PCDH19: variants seen among roughly 807,000 people sequenced by gnomAD.
The protein encoded by PCDH19 is protocadherin 19.
Under a neutral mutation model 46.2 loss-of-function variants are expected in PCDH19, and 6 were observed. That is an observed-to-expected ratio of 0.13 (90% CI 0.07 to 0.26). PCDH19 has a LOEUF of 0.26. PCDH19 is among the 10% of genes least tolerant of loss of function. The probability of loss-of-function intolerance (pLI) is 1.00; values close to 1 mark genes in which losing one functional copy is unlikely to be tolerated. For missense variants in PCDH19, 740 were observed against 972.3 expected, an observed-to-expected ratio of 0.76 and a Z score of 3.18; for synonymous variants, 481 against 415.7, an observed-to-expected ratio of 1.16 and a Z score of -1.91.
chrX:100,364,767 G>C (rs1927026537), intron 3 of PCDH19, among the ~76,000 whole-genome samples: 1 of 112,191 alleles, frequency 8.9e-6, no homozygotes, highest in African/African-American at 3.2e-5. Flanking sequence ...ATTAACAGCT[G>C]ATAGGAACCT....
At chrX:100,317,694 T>C (rs990514010) in intron 5 of PCDH19, among the ~76,000 whole-genome samples, 1 of 110,314 alleles carries the variant, frequency 9.1e-6, no homozygotes, top group African/African-American at 3.3e-5. Context: ...TGGATGAGTC[T>C]GCTCTCCCCT....
intron 1 of PCDH19, among the ~76,000 whole-genome samples, chrX:100,406,113 A>C (rs1464777094): frequency 4.8e-5 from 5 of 105,022 alleles, no homozygotes; most frequent in African/African-American, 1.7e-4. Context: ...TAAAAATATG[A>C]TCTCTCTCTC....
intron 3 of PCDH19, among the ~76,000 whole-genome samples, chrX:100,385,198 T>C (rs1927675917): frequency 9.2e-6 from 1 of 108,860 alleles, no homozygotes; most frequent in South Asian, 4.1e-4. Flanking sequence ...CCACCAATAA[T>C]GCATGGGACT....
chrX:100,295,872 G>T lies in PCDH19; in HGVS notation c.*405C>A. The T allele has an allele frequency of 6.7e-6, 1 of 148,720 alleles. No homozygotes were observed. The highest frequency in any genetic ancestry group is 1.3e-5 in the Non-Finnish European group (1 of 76,461). 12.3% of individuals were successfully genotyped at this position (148,720 alleles called of 1,213,427 possible). A position where few individuals can be genotyped will look rare whatever the true frequency, so the allele number is the denominator to read the frequency against. Reference sequence around the variant, plus strand: ...TGTCTACACTACAAAAAACAGTGGCGAGCTTATTAAAGGTGTCCAGAGCTT... The same window carrying T: ...TGTCTACACTACAAAAAACAGTGGCTAGCTTATTAAAGGTGTCCAGAGCTT... On this transcript the variant is annotated 3_prime_UTR_variant, in exon 6 of 6. Coordinates refer to ENST00000373034, the MANE Select transcript of PCDH19 (RefSeq NM_001184880.2).
At chrX:100,305,144 G>A (rs1298208329) in intron 5 of PCDH19, among the ~76,000 whole-genome samples, 3 of 111,507 alleles carry the variant, frequency 2.7e-5, no homozygotes, top group African/African-American at 6.6e-5. Context: ...AAATCAAGAC[G>A]AAGAAAAGAA....
In PCDH19 at chrX:100,406,715, C is replaced by T. The variant is rs780759455; in HGVS notation, c.1883G>A (p.Arg628His). Reference sequence around the variant, plus strand: ...GGACTTGGAGCTCTCCCCGAAGGTGCGGGTGGTTCTGACTTCGCCATTGAC... The same window carrying T: ...GGACTTGGAGCTCTCCCCGAAGGTGTGGGTGGTTCTGACTTCGCCATTGAC... ...DQVNGEVRTT[R>H]TFGESSKSSY... is the part of the protein sequence containing the mutation. Residue 628 changes from arginine (R) to histidine (H), a missense_variant, in exon 1 of 6, where the codon CGC becomes CAC. This residue lies in a region of PCDH19 where 416 missense variants were observed against 476.8 expected (regional missense o/e 0.87). Transcript: ENST00000373034. 8.3e-7 allele frequency: 1 copy of T among 1,211,771 alleles called. No homozygotes were observed. Among genetic ancestry groups the T allele is most frequent in the Admixed American group, 2.2e-5 (1 of 46,072 alleles).
intron 3 of PCDH19, among the ~76,000 whole-genome samples, chrX:100,353,881 G>A (rs759864940): frequency 9.0e-6 from 1 of 111,648 alleles, no homozygotes; most frequent in South Asian, 3.8e-4. Flanking sequence ...GCAATTAGTA[G>A]CGCTAGTCAA....
At position 100,338,069 on chromosome X, in the gene PCDH19, G is replaced by A. The variant is rs192612508; in HGVS notation, c.2848+3834C>T. On this transcript the variant is annotated intron_variant, in intron 5 of 5. Coordinates refer to ENST00000373034, the MANE Select transcript of PCDH19 (RefSeq NM_001184880.2). ...TTCAAAAGTCTTCTAGGCCAGGCGC[G>A]GTGGCTCACGCCTGTAATCCCAGCA... 6.3e-5 allele frequency among the ~76,000 whole-genome samples: 7 copies of A among 111,588 alleles called. No individual in the cohort carries two copies. The East Asian group carries it at 1.4e-3, about 23-fold the overall frequency.
At chrX:100,371,396 G>A (rs1481463036) in intron 3 of PCDH19, among the ~76,000 whole-genome samples, 1 of 110,938 alleles carries the variant, frequency 9.0e-6, no homozygotes, top group African/African-American at 3.3e-5. Flanking sequence ...TGTACTTTGG[G>A]CTCCAAAAGG....
intron 5 of PCDH19, among the ~76,000 whole-genome samples, chrX:100,339,633 G>A (rs1569296530): frequency 1.8e-5 from 2 of 112,371 alleles, no homozygotes; most frequent in Non-Finnish European, 3.8e-5. Context: ...GATGGAATCT[G>A]TGGCAAGCCT....
intron 3 of PCDH19, among the ~76,000 whole-genome samples, chrX:100,351,385 C>A (rs1295080788): frequency 1.8e-5 from 2 of 112,877 alleles, no homozygotes; most frequent in African/African-American, 6.4e-5. Context: ...CTGGTTACAG[C>A]AGACTGCTGG....
intron 5 of PCDH19, among the ~76,000 whole-genome samples, chrX:100,309,680 G>A (rs1394855234): frequency 9.0e-6 from 1 of 111,404 alleles, no homozygotes; most frequent in Non-Finnish European, 1.9e-5. Flanking sequence ...GAAATGTCTG[G>A]ATGTGGAGAT....
chrX:100,364,220 A>G, intron 3 of PCDH19, among the ~76,000 whole-genome samples: 1 of 110,753 alleles, frequency 9.0e-6, no homozygotes, highest in East Asian at 2.9e-4. Context: ...GGGTTAAAGG[A>G]CAGGGGCAAA....
In PCDH19 at chrX:100,333,183, GAGAAAGAAAGAAAGAAAGAAAGAA is replaced by G. The variant is rs755008766; in HGVS notation, c.2848+8696_2848+8719del. Among the ~76,000 whole-genome samples, 93 of 43,463 alleles carry G rather than the reference GAGAAAGAAAGAAAGAAAGAAAGAA, an allele frequency of 2.1e-3. 1 individual carries two copies. The highest frequency in any genetic ancestry group is 6.8e-3 in the African/African-American group (87 of 12,764). 37.7% of individuals were successfully genotyped at this position (43,463 alleles called of 115,157 possible). ...GAAGGAAGGAAGGAAGGGAGAGAGA[GAGAAAGAAAGAAAGAAAGAAAGAA>G]AGAAAGAAAGAAAGAAAGAAAGAAA... On this transcript the variant is annotated intron_variant, in intron 5 of 5. Coordinates refer to ENST00000373034, the MANE Select transcript of PCDH19 (RefSeq NM_001184880.2).
At chrX:100,352,558 G>C (rs1412550699) in intron 3 of PCDH19, among the ~76,000 whole-genome samples, 1 of 112,143 alleles carries the variant, frequency 8.9e-6, no homozygotes, top group Admixed American at 9.4e-5. Context: ...GGGCTTGGTG[G>C]GAAGTGATTT....
Position 100,392,448 on chromosome X carries a change from A to G in PCDH19, c.2616+10076T>C, listed in dbSNP as rs141705024. On this transcript the variant is annotated intron_variant, in intron 3 of 5. Coordinates refer to ENST00000373034, the MANE Select transcript of PCDH19 (RefSeq NM_001184880.2). ...CATAACTACCATAAAATTATTTTGC[A>G]ATTTTAAAATCAGGCAAAATCTTCA... Among the ~76,000 whole-genome samples, 425 of 112,143 alleles carry G rather than the reference A, an allele frequency of 3.8e-3. 1 individual carries two copies. Among genetic ancestry groups the G allele is most frequent in the African/African-American group, 0.013 (394 of 30,860 alleles).
chrX:100,304,581 A>G (rs966716626), intron 5 of PCDH19, among the ~76,000 whole-genome samples: 2 of 112,001 alleles, frequency 1.8e-5, no homozygotes, highest in Admixed American at 1.9e-4. Flanking sequence ...AAATTTCTGA[A>G]TTGCCAGAAA....
intron 3 of PCDH19, among the ~76,000 whole-genome samples, chrX:100,383,346 A>T (rs1413433615): frequency 1.8e-5 from 2 of 112,318 alleles, no homozygotes; most frequent in Non-Finnish European, 3.8e-5. Flanking sequence ...CAATAAATCA[A>T]AATAACTATT....
intron 5 of PCDH19, among the ~76,000 whole-genome samples, chrX:100,325,696 T>C (rs1339323007): frequency 8.9e-6 from 1 of 112,599 alleles, no homozygotes; most frequent in Non-Finnish European, 1.9e-5. Flanking sequence ...GCATTTTGTA[T>C]ATAGCACGTG....
Sources: allele counts gnomAD v4.1 joint callset (sites outside exome capture counted in the v4.1 genomes callset), GRCh38; gene constraint gnomAD v4.1.1; regional missense constraint gnomAD v4.1.1; transcripts MANE v1.5; gene names NCBI Gene and HGNC (gene_info 2026-07-23, HGNC 2026-07-21).